Variants in ESF1 observed in about 807,000 individuals in gnomAD.
The protein encoded by ESF1 is ESF1 nucleolar pre-rRNA processing protein.
Under a neutral mutation model 92.0 loss-of-function variants are expected in ESF1, and 58 were observed. The observed-to-expected ratio is 0.63, with a 90% CI of 0.51 to 0.78. The LOEUF is 0.78. ESF1 is among the 30% of genes least tolerant of loss of function. The pLI is 0.00. For synonymous variants in ESF1, 321 were observed against 313.7 expected (o/e 1.02, Z -0.24); for missense variants, 922 against 989.1 (o/e 0.93, Z 0.91).
At chr20:13,740,931 G>A (rs993689402) in intron 9 of ESF1, among the ~76,000 whole-genome samples, 37 of 152,008 alleles carry the variant, frequency 2.4e-4, no homozygotes, top group African/African-American at 6.0e-4. Context: ...AGGCTAAGAC[G>A]GGGACTGGCT....
chr20:13,760,011 T>C (rs980985915), intron 8 of ESF1, among the ~76,000 whole-genome samples, 158 bp from the exon 9 acceptor site: 2 of 152,262 alleles, frequency 1.3e-5, no homozygotes, highest in South Asian at 2.1e-4. Context: ...TAGGGTCTCA[T>C]GTAGAATAAA....
chr20:13,760,181 T>C (rs1000284498), intron 8 of ESF1, among the ~76,000 whole-genome samples: 2 of 152,224 alleles, frequency 1.3e-5, no homozygotes, highest in African/African-American at 2.4e-5. Context: ...TTTCACCCTC[T>C]CTGGGAAGTG....
At chr20:13,781,070 A>T in intron 2 of ESF1, among the ~76,000 whole-genome samples, 1 of 152,192 alleles carries the variant, frequency 6.6e-6, no homozygotes, top group African/African-American at 2.4e-5. Flanking sequence ...TTTTCTGATT[A>T]CCACATCTTG....
intron 8 of ESF1, among the ~76,000 whole-genome samples, chr20:13,763,593 A>G (rs1425214912): frequency 6.6e-6 from 1 of 152,262 alleles, no homozygotes; most frequent in Non-Finnish European, 1.5e-5. Flanking sequence ...CATACAAATA[A>G]AAAAGAAATA....
chr20:13,770,343 C>T (rs1036083188), intron 6 of ESF1, among the ~76,000 whole-genome samples: 2 of 152,190 alleles, frequency 1.3e-5, no homozygotes, highest in African/African-American at 4.8e-5. Context: ...ATCCAGACTT[C>T]TGATAGTGCA....
At chr20:13,766,745 T>C (rs564947191) in intron 8 of ESF1, 32 bp downstream of exon 8, 1 of 1,606,920 alleles carries the variant, frequency 6.2e-7, no homozygotes, top group African/African-American at 1.3e-5. Flanking sequence ...AAGACCTATG[T>C]CCATTAATGG....
At chr20:13,778,670 A>T (rs1305593666) in intron 2 of ESF1, among the ~76,000 whole-genome samples, 1 of 152,162 alleles carries the variant, frequency 6.6e-6, no homozygotes, top group African/African-American at 2.4e-5. Flanking sequence ...ATAATAATAA[A>T]GTGTTGCATA....
At chr20:13,728,090 G>A (rs1355045918) in intron 11 of ESF1, among the ~76,000 whole-genome samples, 1 of 152,046 alleles carries the variant, frequency 6.6e-6, no homozygotes, top group Non-Finnish European at 1.5e-5. Context: ...TTATAGAGTC[G>A]ATCTGACTGG....
At chr20:13,728,605 G>A (rs2147727492) in intron 10 of ESF1, 140 bp from the exon 11 acceptor site, 4 of 684,458 alleles carry the variant, frequency 5.8e-6, no homozygotes, top group Admixed American at 3.0e-5. Flanking sequence ...GGTGGCTCAC[G>A]CCTGTAATCT....
intron 8 of ESF1, 96 bp downstream of exon 8, chr20:13,766,681 G>T: frequency 1.7e-6 from 2 of 1,192,766 alleles, no homozygotes; most frequent in Non-Finnish European, 2.4e-6. Context: ...ATAATACTGT[G>T]CATGTGAGCA....
At chr20:13,735,593 ATAATT>A (rs1444511256) in intron 9 of ESF1, among the ~76,000 whole-genome samples, 2 of 152,172 alleles carry the variant, frequency 1.3e-5, no homozygotes. Flanking sequence ...AAAGAACAAA[ATAATT>A]TATGTATTCT....
intron 8 of ESF1, among the ~76,000 whole-genome samples, chr20:13,763,298 T>C (rs967630940): frequency 4.6e-5 from 7 of 152,244 alleles, no homozygotes; most frequent in Admixed American, 4.6e-4. Context: ...GTAAACCTAA[T>C]CTATGTATGG....
At chr20:13,729,334 AGTTATCAGATACATG>A (rs2049926377) in intron 10 of ESF1, among the ~76,000 whole-genome samples, 1 of 152,264 alleles carries the variant, frequency 6.6e-6, no homozygotes. Flanking sequence ...GAGAAATGGA[AGTTATCAGATACATG>A]GTTTCTGCCC....
In ESF1 at chr20:13,771,486, A is replaced by G. The variant is rs777398788; in HGVS notation, c.1251-3T>C. 3 of 1,608,908 alleles carry G rather than the reference A, an allele frequency of 1.9e-6. No individual in the cohort carries two copies. Among genetic ancestry groups the G allele is most frequent in the Non-Finnish European group, 2.5e-6 (3 of 1,177,656 alleles). ...CTCTCAATTTTTCTCTAGACGTCCT[A>G]AAGTGGGAAAAACTTATTAAGCATA... On this transcript the variant is annotated splice_polypyrimidine_tract_variant and splice_region_variant and intron_variant, in intron 5 of 13. Coordinates refer to ENST00000617257, the MANE Select transcript of ESF1 (RefSeq NM_001276380.2).
intron 1 of ESF1, among the ~76,000 whole-genome samples, chr20:13,784,102 T>G (rs1210748375): frequency 1.3e-5 from 2 of 152,254 alleles, no homozygotes; most frequent in African/African-American, 4.8e-5. Context: ...ATATCACTTC[T>G]TTCTATAATA....
At chr20:13,740,037 T>C (rs1197829566) in intron 9 of ESF1, among the ~76,000 whole-genome samples, 5 of 152,170 alleles carry the variant, frequency 3.3e-5, no homozygotes, top group Admixed American at 2.6e-4. Flanking sequence ...AATACATTTT[T>C]CCCCCATAGA....
Position 13,782,966 on chromosome 20 carries a change from G to C in ESF1, c.175C>G (p.Pro59Ala). Residue 59 changes from proline (P) to alanine (A), a missense_variant, in exon 2 of 14, where the codon CCC becomes GCC. Pro to Ala is a conservative substitution (Grantham distance 27, BLOSUM62 -1). Coordinates refer to ENST00000617257, the MANE Select transcript of ESF1 (RefSeq NM_001276380.2). ...TCCTCTGTAGTGCTATGGCTAATGG[G>C]GCGCCCTCTTTTATCCACGGCATAG... ...LNYAVDKRGR[P>A]ISHSTTEDLK... 6.2e-7 allele frequency: 1 copy of C among 1,614,002 alleles called. No homozygotes were observed. Among genetic ancestry groups the C allele is most frequent in the Non-Finnish European group, 8.5e-7 (1 of 1,180,010 alleles).
intron 5 of ESF1, among the ~76,000 whole-genome samples, chr20:13,772,050 G>T (rs1415369348): frequency 1.3e-5 from 2 of 149,734 alleles, no homozygotes; most frequent in Non-Finnish European, 3.0e-5. Context: ...TCCACCTAGT[G>T]GCTTAAAAAC....
Position 13,759,895 on chromosome 20 carries a change from T to C in ESF1, c.1667-42A>G, listed in dbSNP as rs780387239. ...TCACTTAATACACAGAAACAATTCA[T>C]TTCTAACTCGTGTTCAGATCTTATG... is the stretch of plus-strand genomic sequence containing the variant. On this transcript the variant is annotated intron_variant, in intron 8 of 13. Transcript: ENST00000617257. 5 of 1,547,126 alleles carry C rather than the reference T, an allele frequency of 3.2e-6. No individual in the cohort carries two copies. In the East Asian group the frequency reaches 9.3e-5, roughly 29 times the overall value.
Sources: allele counts gnomAD v4.1 joint callset (sites outside exome capture counted in the v4.1 genomes callset), GRCh38; gene constraint gnomAD v4.1.1; transcripts MANE v1.5; gene names NCBI Gene and HGNC (gene_info 2026-07-23, HGNC 2026-07-21).